The following VAV3 variants were observed in gnomAD, a reference collection of about 807,000 sequenced individuals.
VAV3 encodes guanine nucleotide exchange factor VAV3.
In VAV3, 94 loss-of-function variants were observed where a neutral mutation model predicts 131.2. That is an observed-to-expected ratio of 0.72 (90% CI 0.61 to 0.85). The LOEUF (loss-of-function observed/expected upper bound fraction) is 0.85. VAV3 is among the 40% of genes least tolerant of loss of function. VAV3 has a pLI of 0.00. For missense variants in VAV3, 939 were observed against 1,002.7 expected, an observed-to-expected ratio of 0.94 and a Z score of 0.86; for synonymous variants, 349 against 342.0, an observed-to-expected ratio of 1.02 and a Z score of -0.22.
chr1:107,862,323 G>T (rs78094869), intron 2 of VAV3, among the ~76,000 whole-genome samples: 2,360 of 151,458 alleles, frequency 0.016, 66 homozygotes, highest in African/African-American at 0.044. Flanking sequence ...AGAGCATTCA[G>T]CCAGTTCCAC....
At chr1:107,848,211 G>A (rs1028313067) in intron 2 of VAV3, among the ~76,000 whole-genome samples, 2 of 151,638 alleles carry the variant, frequency 1.3e-5, no homozygotes, top group Admixed American at 6.6e-5. Context: ...TAATTGGGAG[G>A]CTTAGGCAGG....
At chr1:107,829,505 T>C (rs1358404768) in intron 2 of VAV3, among the ~76,000 whole-genome samples, 2 of 152,210 alleles carry the variant, frequency 1.3e-5, no homozygotes, top group Non-Finnish European at 1.5e-5. Flanking sequence ...AAGTACACCA[T>C]TAAGTACTAA....
chr1:107,642,537 C>T (rs570243881), intron 20 of VAV3, 82 bp downstream of exon 20: 34 of 1,512,184 alleles, frequency 2.2e-5, no homozygotes, highest in East Asian at 4.6e-5. Flanking sequence ...ACTGTGGACT[C>T]GCCCTGAATT....
At chr1:107,832,539 C>A (rs1668300304) in intron 2 of VAV3, among the ~76,000 whole-genome samples, 1 of 152,186 alleles carries the variant, frequency 6.6e-6, no homozygotes, top group African/African-American at 2.4e-5. Context: ...ATTTTCATTT[C>A]TATCTGAGTC....
chr1:107,658,964 T>C (rs1489868089), intron 19 of VAV3, among the ~76,000 whole-genome samples: 1 of 152,190 alleles, frequency 6.6e-6, no homozygotes. Flanking sequence ...TTAGATCCCA[T>C]TTGTCAATTT....
chr1:107,757,036 G>GT (rs1174817520), intron 11 of VAV3, among the ~76,000 whole-genome samples: 1 of 135,462 alleles, frequency 7.4e-6, no homozygotes, highest in Non-Finnish European at 1.6e-5. Context: ...AACTATTCCA[G>GT]TAAAAAAAAA....
chr1:107,958,360 T>C (rs1049412263), intron 1 of VAV3, among the ~76,000 whole-genome samples: 6 of 152,172 alleles, frequency 3.9e-5, no homozygotes, highest in African/African-American at 1.4e-4. Flanking sequence ...TAAAACTAAA[T>C]CATAGTTTTT....
chr1:107,666,679 C>T (rs1353396007), intron 19 of VAV3, among the ~76,000 whole-genome samples: 1 of 151,876 alleles, frequency 6.6e-6, no homozygotes, highest in South Asian at 2.1e-4. Context: ...AAGCAATTCA[C>T]CTGCCTCAGC....
At chr1:107,675,926 A>G (rs1222110856) in intron 19 of VAV3, among the ~76,000 whole-genome samples, 1 of 152,198 alleles carries the variant, frequency 6.6e-6, no homozygotes, top group Admixed American at 6.5e-5. Context: ...CTTTGTTGGG[A>G]ATCTCCAGTT....
At chr1:107,950,839 G>A (rs1050525440) in intron 1 of VAV3, among the ~76,000 whole-genome samples, 1 of 152,148 alleles carries the variant, frequency 6.6e-6, no homozygotes, top group African/African-American at 2.4e-5. Flanking sequence ...GAGGATAATG[G>A]CTTAGTAGAT....
At chr1:107,692,627 C>T (rs922861662) in intron 17 of VAV3, among the ~76,000 whole-genome samples, 6 of 152,084 alleles carry the variant, frequency 3.9e-5, no homozygotes, top group South Asian at 2.1e-4. Context: ...TAAAGGAGCC[C>T]GGTTCAGATA....
chr1:107,768,298 A>G, intron 7 of VAV3, 143 bp downstream of exon 7: 1 of 569,620 alleles, frequency 1.8e-6, no homozygotes, highest in Non-Finnish European at 2.9e-6. Context: ...GGATATAAAA[A>G]CTGGAAAAGC....
At chr1:107,788,799 A>T (rs751146230) in intron 2 of VAV3, among the ~76,000 whole-genome samples, 77 of 152,222 alleles carry the variant, frequency 5.1e-4, no homozygotes, top group Non-Finnish European at 8.8e-4. Flanking sequence ...TAAAAGAAAC[A>T]CTTTCATTTT....
At chr1:107,732,464 G>A (rs1662307866) in intron 15 of VAV3, among the ~76,000 whole-genome samples, 1 of 152,156 alleles carries the variant, frequency 6.6e-6, no homozygotes, top group South Asian at 2.1e-4. Flanking sequence ...CTAGCCAAGG[G>A]AAGCCGTGAC....
intron 2 of VAV3, among the ~76,000 whole-genome samples, chr1:107,862,250 G>A (rs1036566637): frequency 1.3e-5 from 2 of 151,516 alleles, no homozygotes; most frequent in East Asian, 3.9e-4. Flanking sequence ...ATTGTTTCCT[G>A]TAGTTGTTTG....
chr1:107,799,340 T>TCA (rs1253863311), intron 2 of VAV3, among the ~76,000 whole-genome samples: 1 of 150,294 alleles, frequency 6.7e-6, no homozygotes, highest in Non-Finnish European at 1.5e-5. Context: ...CCAGGTTCTA[T>TCA]CACGTAGAAA....
rs569377263 is a variant in VAV3, at chr1:107,695,992, T to C, written c.1706-7586A>G. 2.0e-5 allele frequency among the ~76,000 whole-genome samples: 3 copies of C among 152,314 alleles called. No homozygotes were observed. In the East Asian group the frequency reaches 5.8e-4, roughly 29 times the overall value. ...AAACAAGTCTGATGTTGAATAAAGA[T>C]AGCATGCTCCCCCTCTTAAATTTTT... is the stretch of plus-strand genomic sequence containing the variant. On this transcript the variant is annotated intron_variant, in intron 17 of 26. Coordinates refer to ENST00000370056, the MANE Select transcript of VAV3 (RefSeq NM_006113.5).
At chr1:107,690,581 C>A (rs1456150965) in intron 17 of VAV3, among the ~76,000 whole-genome samples, 1 of 152,120 alleles carries the variant, frequency 6.6e-6, no homozygotes, top group Non-Finnish European at 1.5e-5. Flanking sequence ...CTTAGCTATC[C>A]CTCCTTTATT....
intron 2 of VAV3, among the ~76,000 whole-genome samples, chr1:107,867,156 C>A (rs1394749889): frequency 6.6e-6 from 1 of 152,126 alleles, no homozygotes; most frequent in African/African-American, 2.4e-5. Context: ...ATATTTTTCT[C>A]CAGTCTTCCT....
Sources: gnomAD v4.1 joint callset for allele counts (sites outside exome capture counted in the v4.1 genomes callset) on GRCh38, gnomAD v4.1.1 for gene constraint, MANE v1.5 for transcripts, NCBI Gene and HGNC (gene_info 2026-07-23, HGNC 2026-07-21) for gene names.